FREM1: variants seen among roughly 807,000 people sequenced by gnomAD.
FREM1 encodes the protein FRAS1 related extracellular matrix 1.
In FREM1, 220 loss-of-function variants were observed where a neutral mutation model predicts 210.1. That is an observed-to-expected ratio of 1.05 (90% CI 0.94 to 1.17). The LOEUF is 1.17. Ranked by LOEUF, FREM1 falls within the 50% of genes most tolerant of loss-of-function variation. The pLI is 0.00. For missense variants in FREM1, 3,454 were observed against 2,675.5 expected, an observed-to-expected ratio of 1.29 and a Z score of -6.42; for synonymous variants, 1,189 against 980.2, an observed-to-expected ratio of 1.21 and a Z score of -3.98.
chr9:14,860,864 C>CGT (rs1248329492), intron 3 of FREM1, among the ~76,000 whole-genome samples: 829 of 49,848 alleles, frequency 0.017, 211 homozygotes, highest in Middle Eastern at 0.071. Flanking sequence ...TATATATACA[C>CGT]ATATATATAC....
At chr9:14,863,397 T>C (rs1341469897) in intron 3 of FREM1, among the ~76,000 whole-genome samples, 1 of 151,688 alleles carries the variant, frequency 6.6e-6, no homozygotes, top group East Asian at 1.9e-4. Context: ...ATGGAAGATA[T>C]TGCACTTTCT....
At chr9:14,831,843 G>T (rs1256603192) in intron 10 of FREM1, among the ~76,000 whole-genome samples, 2 of 152,184 alleles carry the variant, frequency 1.3e-5, no homozygotes, top group Non-Finnish European at 2.9e-5. Flanking sequence ...AGTTCCTCTG[G>T]CGCCATGGCT....
intron 1 of FREM1, among the ~76,000 whole-genome samples, chr9:14,901,112 A>G (rs1331890692): frequency 1.3e-5 from 2 of 152,228 alleles, no homozygotes; most frequent in Non-Finnish European, 2.9e-5. Context: ...TTTATTATTC[A>G]TAAGGCTAAA....
chr9:14,856,236 G>C (rs1828705612), intron 5 of FREM1, among the ~76,000 whole-genome samples: 1 of 152,156 alleles, frequency 6.6e-6, no homozygotes, highest in Admixed American at 6.5e-5. Context: ...GAGACCAAAA[G>C]TCACACAGTT....
chr9:14,800,544 G>C (rs993053815), intron 20 of FREM1, among the ~76,000 whole-genome samples: 2 of 152,124 alleles, frequency 1.3e-5, no homozygotes, highest in African/African-American at 4.8e-5. Flanking sequence ...ATTATATGTG[G>C]TTCTATATTT....
At chr9:14,867,802 G>T (rs1253952568) in intron 2 of FREM1, among the ~76,000 whole-genome samples, 2 of 152,298 alleles carry the variant, frequency 1.3e-5, no homozygotes, top group Middle Eastern at 3.4e-3. Context: ...AAGATTGTTT[G>T]CACTGGGAGC....
At position 14,823,266 on chromosome 9, in the gene FREM1, C is replaced by A; in HGVS notation, c.2231G>T (p.Cys744Phe). 6.2e-7 allele frequency: 1 copy of A among 1,613,926 alleles called. No individual in the cohort carries two copies. The highest frequency in any genetic ancestry group is 8.5e-7 in the Non-Finnish European group (1 of 1,179,836). Residue 744 changes from cysteine (C) to phenylalanine (F), a missense_variant, in exon 13 of 37, where the codon TGC becomes TTC. Physicochemically the swap from Cys to Phe is radical, Grantham distance 205. Transcript: ENST00000380880. ...AGAAAATGTGAACTGGACATCTCTG[C>A]AATGGGGACCAATGTCTTGCATGGG... ...MPPMQDIGPHCRDVQFTFSVS... is the reference protein window; with the variant it reads ...MPPMQDIGPHFRDVQFTFSVS...
chr9:14,807,610 A>G (rs991105287), intron 17 of FREM1, among the ~76,000 whole-genome samples: 8 of 152,274 alleles, frequency 5.3e-5, no homozygotes, highest in African/African-American at 9.6e-5. Flanking sequence ...ACATTTTCCC[A>G]TGTGAAATAA....
At chr9:14,758,960 T>C (rs541743389) in intron 28 of FREM1, among the ~76,000 whole-genome samples, 15 of 152,216 alleles carry the variant, frequency 9.9e-5, no homozygotes, top group African/African-American at 3.6e-4. Context: ...TTAAGATAGA[T>C]GGGTTTAAGC....
chr9:14,858,834 C>A (rs1169061690), intron 4 of FREM1, among the ~76,000 whole-genome samples: 2 of 152,134 alleles, frequency 1.3e-5, no homozygotes, highest in Admixed American at 1.3e-4. Context: ...TAACAGCTGA[C>A]AATGAGTACC....
rs1378504451 is a variant in FREM1 at position 14,825,545 on chromosome 9, G to GTGTGTATATATATATATGTATATATATA, written c.1882-554_1882-553insTATATATATACATATATATATATACACA. 2.6e-4 allele frequency among the ~76,000 whole-genome samples: 4 copies of GTGTGTATATATATATATGTATATATATA among 15,516 alleles called. No individual in the cohort carries two copies. In the East Asian group the frequency reaches 0.011, roughly 44 times the overall value. The allele number at this position is 15,516 out of a possible 152,430, so 10.2% of individuals were successfully genotyped here. A position where few individuals can be genotyped will look rare whatever the true frequency, so the allele number is the denominator to read the frequency against. On this transcript the variant is annotated intron_variant, in intron 10 of 36. Coordinates refer to ENST00000380880, the MANE Select transcript of FREM1 (RefSeq NM_001379081.2). The stretch of plus-strand genomic sequence containing the variant: ...TACATATATATATATATGTGTGTGT[G>GTGTGTATATATATATATGTATATATATA]TGTATATATATATATATATATATAT...
Position 14,797,746 on chromosome 9 carries a change from G to C in FREM1, c.3695-104C>G, listed in dbSNP as rs1302840593. The C allele has an allele frequency of 2.7e-5, 26 of 975,092 alleles. No homozygotes were observed. The Admixed American group carries it at 4.7e-4, about 18-fold the overall frequency. 60.4% of individuals were successfully genotyped at this position (975,092 alleles called of 1,614,324 possible). A position where few individuals can be genotyped will look rare whatever the true frequency, so the allele number is the denominator to read the frequency against. On this transcript the variant is annotated intron_variant, in intron 20 of 36. Transcript: ENST00000380880. The stretch of plus-strand genomic sequence containing the variant: ...TTTCAAGGCAGGGGTATTAGCAAGA[G>C]TTCATTTATCAGTGCAGTAGGGTGA...
chr9:14,746,820 G>C, intron 34 of FREM1, 103 bp downstream of exon 34: 2 of 1,340,704 alleles, frequency 1.5e-6, no homozygotes, highest in South Asian at 3.1e-5. Flanking sequence ...ATGGCAGGAA[G>C]ATGTAGCATG....
At chr9:14,891,014 G>A (rs968829783) in intron 1 of FREM1, among the ~76,000 whole-genome samples, 7 of 152,108 alleles carry the variant, frequency 4.6e-5, no homozygotes, top group African/African-American at 1.4e-4. Flanking sequence ...ATCATGGTGT[G>A]CCCCATTCTT....
chr9:14,786,784 C>G (rs544809627), intron 23 of FREM1, among the ~76,000 whole-genome samples: 1 of 152,310 alleles, frequency 6.6e-6, no homozygotes, highest in South Asian at 2.1e-4. Flanking sequence ...TACGTAGAAT[C>G]AAAGACCATT....
chr9:14,756,617 T>C (rs929192953), intron 28 of FREM1, among the ~76,000 whole-genome samples, 171 bp from the exon 29 acceptor site: 1 of 152,204 alleles, frequency 6.6e-6, no homozygotes, highest in Non-Finnish European at 1.5e-5. Flanking sequence ...CAACATGCAT[T>C]TTCCTTAAAG....
Position 14,805,107 on chromosome 9 carries a change from A to T in FREM1, c.3320T>A (p.Val1107Glu), listed in dbSNP as rs533491350. The T allele has an allele frequency of 6.2e-7, 1 of 1,605,656 alleles. No individual in the cohort carries two copies. The highest frequency in any genetic ancestry group is 2.2e-5 in the East Asian group (1 of 44,762). Residue 1107 changes from valine (V) to glutamate (E), a missense_variant, in exon 19 of 37, where the codon GTG (valine) becomes GAG (glutamate). By Grantham distance (121) the Val-to-Glu change is moderately radical. Transcript: ENST00000380880. Reference sequence around the variant, plus strand: ...TTCTATCCTCAGATGCCTGGACTGCACATAGTTAATGTGAAAAGCGTTCAT... The same window carrying T: ...TTCTATCCTCAGATGCCTGGACTGCTCATAGTTAATGTGAAAAGCGTTCAT... The part of the protein sequence containing the change: ...KDMNAFHINY[V>E]QSRHLRIEPT...
At position 14,859,258 on chromosome 9, in the gene FREM1, C is replaced by T. The variant is rs1829356518; in HGVS notation, c.556G>A (p.Gly186Ser). Reference protein sequence around the residue: ...DTARTRLPAHGQMVLGEPRPE... With the variant: ...DTARTRLPAHSQMVLGEPRPE... ...CGAGGCTCCCCGAGAACCATCTGGC[C>T]ATGGGCTGGCAGCCGAGTTCTCGCA... The change falls in exon 4 of 37, where the codon GGC becomes AGC. Residue 186 changes from glycine to serine, a missense_variant. Coordinates refer to ENST00000380880, the MANE Select transcript of FREM1 (RefSeq NM_001379081.2). The T allele has an allele frequency of 1.9e-6, 3 of 1,613,620 alleles. No homozygotes were observed. Among genetic ancestry groups the T allele is most frequent in the Non-Finnish European group, 2.5e-6 (3 of 1,179,630 alleles).
At chr9:14,821,773 T>C (rs1463942440) in intron 13 of FREM1, among the ~76,000 whole-genome samples, 2 of 152,240 alleles carry the variant, frequency 1.3e-5, no homozygotes, top group Non-Finnish European at 2.9e-5. Flanking sequence ...GCACGCCCTA[T>C]GCAATGGCTG....
Sources: gnomAD v4.1 joint callset for allele counts (sites outside exome capture counted in the v4.1 genomes callset) on GRCh38, gnomAD v4.1.1 for gene constraint, MANE v1.5 for transcripts, NCBI Gene and HGNC (gene_info 2026-07-23, HGNC 2026-07-21) for gene names.